The following FSTL5 variants were observed in gnomAD, a reference collection of about 807,000 sequenced individuals.
FSTL5 encodes follistatin-related protein 5.
In FSTL5, 62 loss-of-function variants were observed where a neutral mutation model predicts 89.1. The ratio of observed to expected loss-of-function variants is 0.70; its 90% CI spans 0.57 to 0.86. The LOEUF is 0.86. Ranked by LOEUF, FSTL5 falls within the 40% of genes least tolerant of loss-of-function variation. FSTL5 has a pLI of 0.00. For missense variants in FSTL5, 1,057 were observed against 1,001.6 expected, an observed-to-expected ratio of 1.06 and a Z score of -0.75; for synonymous variants, 383 against 346.2, an observed-to-expected ratio of 1.11 and a Z score of -1.18.
At chr4:161,718,741 T>C (rs1739091391) in intron 6 of FSTL5, among the ~76,000 whole-genome samples, 1 of 152,154 alleles carries the variant, frequency 6.6e-6, no homozygotes, top group Non-Finnish European at 1.5e-5. Context: ...AATACACATT[T>C]TAATATAAAC....
At chr4:161,535,325 C>T (rs185783310) in intron 10 of FSTL5, among the ~76,000 whole-genome samples, 254 of 152,184 alleles carry the variant, frequency 1.7e-3, no homozygotes, top group South Asian at 1.2e-3. Flanking sequence ...TATATGTAAA[C>T]TATGCAAGCA....
chr4:161,521,426 G>C (rs1731015599), intron 10 of FSTL5, among the ~76,000 whole-genome samples: 1 of 151,898 alleles, frequency 6.6e-6, no homozygotes, highest in Admixed American at 6.6e-5. Context: ...TCTATTCTGT[G>C]AGAAGCCTTA....
intron 6 of FSTL5, among the ~76,000 whole-genome samples, chr4:161,726,415 A>G (rs920958389): frequency 5.3e-5 from 8 of 151,416 alleles, no homozygotes; most frequent in African/African-American, 1.9e-4. Flanking sequence ...TTTAGTAGAG[A>G]TGGGGTTTCA....
intron 4 of FSTL5, among the ~76,000 whole-genome samples, chr4:161,841,383 G>T (rs1731207809): frequency 6.6e-6 from 1 of 152,130 alleles, no homozygotes; most frequent in Non-Finnish European, 1.5e-5. Context: ...AGGAAATATA[G>T]TAGAATGTAT....
chr4:161,439,331 T>C (rs2126363219), intron 15 of FSTL5, among the ~76,000 whole-genome samples: 1 of 152,314 alleles, frequency 6.6e-6, no homozygotes, highest in South Asian at 2.1e-4. Context: ...TGTTTGTGGA[T>C]GAGTGAGTTG....
chr4:161,851,999 G>T (rs1731569087), intron 4 of FSTL5, among the ~76,000 whole-genome samples: 1 of 151,634 alleles, frequency 6.6e-6, no homozygotes, highest in Non-Finnish European at 1.5e-5. Flanking sequence ...CAGTTTGGTT[G>T]CTTTTGTAAG....
At chr4:161,838,938 T>G (rs549326139) in intron 4 of FSTL5, among the ~76,000 whole-genome samples, 4 of 151,986 alleles carry the variant, frequency 2.6e-5, no homozygotes, top group African/African-American at 9.6e-5. Flanking sequence ...ACTTAAATAA[T>G]TATAAATTAA....
intron 7 of FSTL5, among the ~76,000 whole-genome samples, chr4:161,643,212 T>C (rs1318964858): frequency 1.3e-5 from 2 of 152,194 alleles, no homozygotes; most frequent in Non-Finnish European, 2.9e-5. Context: ...TCCAAGCCCA[T>C]TCTTGTTCCA....
intron 1 of FSTL5, among the ~76,000 whole-genome samples, chr4:162,162,722 G>A (rs1299738385): frequency 6.6e-6 from 1 of 152,084 alleles, no homozygotes; most frequent in Non-Finnish European, 1.5e-5. Flanking sequence ...AGCTTCAAAA[G>A]AAAATTCTTC....
chr4:161,768,152 A>G (rs1434795371), intron 5 of FSTL5, among the ~76,000 whole-genome samples: 1 of 152,118 alleles, frequency 6.6e-6, no homozygotes, highest in East Asian at 1.9e-4. Flanking sequence ...AAGATGTAAA[A>G]TATATGGCAC....
At chr4:161,593,617 C>G (rs1733908935) in intron 7 of FSTL5, among the ~76,000 whole-genome samples, 1 of 151,950 alleles carries the variant, frequency 6.6e-6, no homozygotes, top group Admixed American at 6.6e-5. Flanking sequence ...GGGAATCATA[C>G]TGTACACTCT....
At chr4:161,996,799 T>G (rs1323248264) in intron 3 of FSTL5, among the ~76,000 whole-genome samples, 1 of 152,204 alleles carries the variant, frequency 6.6e-6, no homozygotes, top group Non-Finnish European at 1.5e-5. Context: ...TCTTGAATAT[T>G]TGGTTACAAA....
At chr4:161,914,147 A>T (rs1302673924) in intron 4 of FSTL5, among the ~76,000 whole-genome samples, 3 of 152,154 alleles carry the variant, frequency 2.0e-5, no homozygotes, top group Non-Finnish European at 4.4e-5. Context: ...AGAAGAAAAA[A>T]TATTTGAACT....
chr4:162,025,994 A>G (rs1321760510), intron 3 of FSTL5, among the ~76,000 whole-genome samples: 2 of 151,888 alleles, frequency 1.3e-5, no homozygotes, highest in Non-Finnish European at 2.9e-5. Context: ...ATCCAAGCAA[A>G]TATACTCTTT....
intron 12 of FSTL5, among the ~76,000 whole-genome samples, chr4:161,497,743 G>C (rs1454430362): frequency 6.6e-6 from 1 of 151,668 alleles, no homozygotes; most frequent in African/African-American, 2.4e-5. Context: ...AGATTTCCAG[G>C]GGCTGTGACT....
intron 3 of FSTL5, among the ~76,000 whole-genome samples, chr4:161,992,932 ATATATATATGTGTGTATATC>A (rs1560957727): frequency 7.4e-5 from 1 of 13,522 alleles, no homozygotes; most frequent in African/African-American, 1.2e-4. Flanking sequence ...ATATGTGTGT[ATATATATATGTGTGTATATC>A]TATATATATA....
intron 4 of FSTL5, among the ~76,000 whole-genome samples, chr4:161,823,622 T>C (rs359132): frequency 0.98 from 149,907 of 152,270 alleles, 73,824 homozygotes; most frequent in Non-Finnish European, 1. Context: ...TCTGGATCCA[T>C]GGCTGTGTGG....
chr4:161,446,335 A>G (rs570275091), intron 15 of FSTL5, among the ~76,000 whole-genome samples: 9 of 152,196 alleles, frequency 5.9e-5, no homozygotes, highest in African/African-American at 1.9e-4. Flanking sequence ...CCATTATTTT[A>G]TGTATGTATT....
At chr4:162,097,951 C>T (rs1730831182) in intron 2 of FSTL5, among the ~76,000 whole-genome samples, 1 of 151,880 alleles carries the variant, frequency 6.6e-6, no homozygotes, top group Admixed American at 6.6e-5. Context: ...GCAATCCACT[C>T]CTAGTAGCGA....
Sources: allele counts gnomAD v4.1 joint callset (sites outside exome capture counted in the v4.1 genomes callset), GRCh38; gene constraint gnomAD v4.1.1; transcripts MANE v1.5; gene names NCBI Gene and HGNC (gene_info 2026-07-23, HGNC 2026-07-21).